Variants in RELL1 observed in about 807,000 individuals in gnomAD.
RELL1 encodes RELT-like protein 1.
In RELL1, 10 loss-of-function variants were observed where a neutral mutation model predicts 23.0. The ratio of observed to expected loss-of-function variants is 0.43; its 90% CI spans 0.27 to 0.74. The LOEUF (loss-of-function observed/expected upper bound fraction) is 0.74. Ranked by LOEUF, RELL1 falls within the 30% of genes least tolerant of loss-of-function variation. RELL1 has a pLI of 0.19. For synonymous variants in RELL1, 146 were observed against 146.8 expected (o/e 0.99, Z 0.04); for missense variants, 315 against 364.4 (o/e 0.86, Z 1.10).
At chr4:37,603,411 G>A (rs146893518) in intron 6 of RELL1, among the ~76,000 whole-genome samples, 1 of 152,270 alleles carries the variant, frequency 6.6e-6, no homozygotes, top group East Asian at 1.9e-4. Context: ...GGGAATCCTT[G>A]GGTAGAACCA....
intron 6 of RELL1, among the ~76,000 whole-genome samples, chr4:37,603,605 C>T (rs904305401): frequency 6.6e-6 from 1 of 152,206 alleles, no homozygotes; most frequent in Non-Finnish European, 1.5e-5. Context: ...AAGGGTTCCC[C>T]GCCTTTTGGG....
At chr4:37,642,676 G>C (rs1720569830) in intron 3 of RELL1, among the ~76,000 whole-genome samples, 1 of 152,138 alleles carries the variant, frequency 6.6e-6, no homozygotes, top group Non-Finnish European at 1.5e-5. Flanking sequence ...ACTTGGGGTG[G>C]AGCCCCTAAA....
chr4:37,635,497 C>T (rs1000298466), intron 4 of RELL1, among the ~76,000 whole-genome samples: 7 of 152,030 alleles, frequency 4.6e-5, no homozygotes, highest in African/African-American at 1.7e-4. Context: ...CATGATGGTG[C>T]GTGCCTGTAG....
chr4:37,598,358 G>A (rs191727168), intron 6 of RELL1, among the ~76,000 whole-genome samples: 1 of 143,730 alleles, frequency 7.0e-6, no homozygotes, highest in Admixed American at 7.1e-5. Flanking sequence ...AAATATTAAC[G>A]TAGAAATTGT....
At chr4:37,646,842 G>A (rs1037868411) in intron 3 of RELL1, among the ~76,000 whole-genome samples, 1 of 151,848 alleles carries the variant, frequency 6.6e-6, no homozygotes, top group Non-Finnish European at 1.5e-5. Context: ...ATCCTCCCAC[G>A]TCAGCCTCCC....
rs189215391 is a variant in RELL1 at position 37,683,224 on chromosome 4, G to A, written c.88+2976C>T. ...TTGACTCATATTCTATTTTTCCTCT[G>A]CAGAGCAGTGGGGTACAGTGGAAAG... On this transcript the variant is annotated intron_variant, in intron 1 of 6. Transcript: ENST00000454158. Among the ~76,000 whole-genome samples, 19 of 152,260 alleles carry A rather than the reference G, an allele frequency of 1.2e-4. No homozygotes were observed. In the East Asian group the frequency reaches 3.7e-3, roughly 29 times the overall value.
At chr4:37,597,858 C>T (rs1035740294) in intron 6 of RELL1, among the ~76,000 whole-genome samples, 1 of 151,736 alleles carries the variant, frequency 6.6e-6, no homozygotes, top group South Asian at 2.1e-4. Context: ...CAAGACCAGC[C>T]GGGCCAAAAT....
intron 1 of RELL1, among the ~76,000 whole-genome samples, chr4:37,682,900 G>A (rs1237586140): frequency 6.6e-6 from 1 of 152,236 alleles, no homozygotes; most frequent in Non-Finnish European, 1.5e-5. Flanking sequence ...TATGCCCACT[G>A]TCTGAGAGAG....
chr4:37,686,204 A>T lies in RELL1; in HGVS notation c.84T>A (p.Ala28=). 1 of 1,580,272 alleles carries T rather than the reference A, an allele frequency of 6.3e-7. No homozygotes were observed. The highest frequency in any genetic ancestry group is 1.1e-5 in the South Asian group (1 of 88,832). ...VGGAVSSPLV[A]PDNGSSRTLH... ...CGGCTACGACCGGACACTCACCCGG[A>T]GCCACCAGCGGCGAACTCACGGCGC... The change falls in exon 1 of 7, where the codon GCT becomes GCA. Residue 28 remains alanine, a synonymous_variant. Coordinates refer to ENST00000454158, the MANE Select transcript of RELL1 (RefSeq NM_001085400.2).
In RELL1 at chr4:37,612,342, A is replaced by AAC. The variant is rs1719428502; in HGVS notation, c.*1003_*1004insGT. Among the ~76,000 whole-genome samples, 7 of 131,858 alleles carry AAC rather than the reference A, an allele frequency of 5.3e-5. No homozygotes were observed. Among genetic ancestry groups the AAC allele is most frequent in the African/African-American group, 2.0e-4 (7 of 34,766 alleles). 86.5% of individuals were successfully genotyped at this position (131,858 alleles called of 152,430 possible). ...AAGGTTAAAAAAAAAAAAAAAACAA[A>AAC]AAAAAACAAAAAACCGGGTGCAGTG... On this transcript the variant is annotated 3_prime_UTR_variant, in exon 7 of 7. Transcript: ENST00000454158.
intron 1 of RELL1, among the ~76,000 whole-genome samples, chr4:37,680,970 C>A (rs1722200547): frequency 6.7e-6 from 1 of 150,172 alleles, no homozygotes; most frequent in African/African-American, 2.5e-5. Context: ...TAGAGAAGAC[C>A]AGAATGAAAT....
At chr4:37,596,434 C>T (rs1052464861) in intron 6 of RELL1, among the ~76,000 whole-genome samples, 1 of 65,524 alleles carries the variant, frequency 1.5e-5, no homozygotes, top group Non-Finnish European at 2.8e-5. Context: ...AAGACTCCAG[C>T]AGGGATTGCC....
intron 3 of RELL1, among the ~76,000 whole-genome samples, chr4:37,643,393 C>T (rs79910601): frequency 0.033 from 5,010 of 152,266 alleles, 93 homozygotes; most frequent in Non-Finnish European, 0.053. Context: ...AAGAATGTTA[C>T]CATGAGTACA....
intron 5 of RELL1, 144 bp downstream of exon 5, chr4:37,634,743 C>T (rs1197760339): frequency 5.5e-6 from 4 of 723,342 alleles, no homozygotes; most frequent in Non-Finnish European, 9.4e-6. Flanking sequence ...ATCTAGGACT[C>T]ACACCAGAAA....
chr4:37,598,499 T>G (rs943275574), intron 6 of RELL1, among the ~76,000 whole-genome samples: 6 of 152,068 alleles, frequency 3.9e-5, no homozygotes, highest in Non-Finnish European at 8.8e-5. Context: ...CCAAATGCAG[T>G]CAGCCTTGTT....
rs1577575945 is a variant in RELL1, at chr4:37,631,315, G to A, written c.*3+70C>T. The A allele has an allele frequency of 4.7e-6, 7 of 1,497,998 alleles. No homozygotes were observed. The East Asian group carries it at 1.7e-4, about 35-fold the overall frequency. The allele number at this position is 1,497,998 out of a possible 1,614,324, so 92.8% of individuals were successfully genotyped here. A position where few individuals can be genotyped will look rare whatever the true frequency, so the allele number is the denominator to read the frequency against. On this transcript the variant is annotated intron_variant, in intron 6 of 6. Coordinates refer to ENST00000454158, the MANE Select transcript of RELL1 (RefSeq NM_001085400.2). ...CCATTCCTATGCTGCCACAGCACCT[G>A]GGAGGCTCCAAGTACCTTCTCCTCA... is the stretch of plus-strand genomic sequence containing the variant.
intron 1 of RELL1, among the ~76,000 whole-genome samples, chr4:37,679,141 A>G (rs1189187098): frequency 1.3e-5 from 2 of 152,116 alleles, no homozygotes; most frequent in African/African-American, 2.4e-5. Context: ...CCTCCAGAAA[A>G]TCCCTTGGGT....
Position 37,650,751 on chromosome 4 carries a change from G to A in RELL1, c.89-1251C>T, listed in dbSNP as rs574711091. On this transcript the variant is annotated intron_variant, in intron 1 of 6. Transcript: ENST00000454158. ...GGGACTCCAGAAAGCAGTGAGCCTGGAGCACACAATTATACAATGTGGCCA... is the reference window on the plus strand; with the variant it reads ...GGGACTCCAGAAAGCAGTGAGCCTGAAGCACACAATTATACAATGTGGCCA... Among the ~76,000 whole-genome samples the A allele has an allele frequency of 8.9e-5, 13 of 146,378 alleles. No homozygotes were observed. The East Asian group carries it at 2.4e-3, about 27-fold the overall frequency.
chr4:37,642,168 TCA>T (rs1491403909), intron 3 of RELL1, among the ~76,000 whole-genome samples: 1 of 152,212 alleles, frequency 6.6e-6, no homozygotes, highest in African/African-American at 2.4e-5. Context: ...CACTCGGTAC[TCA>T]CAGTCATTTA....
Sources: gnomAD v4.1 joint callset for allele counts (sites outside exome capture counted in the v4.1 genomes callset) on GRCh38, gnomAD v4.1.1 for gene constraint, MANE v1.5 for transcripts, NCBI Gene and HGNC (gene_info 2026-07-23, HGNC 2026-07-21) for gene names.